The following ABL1 variants were observed in gnomAD, a reference collection of about 807,000 sequenced individuals.
The protein encoded by ABL1 is ABL proto-oncogene 1, non-receptor tyrosine kinase.
In ABL1, 11 loss-of-function variants were observed where a neutral mutation model predicts 94.7. The observed-to-expected ratio is 0.12, with a 90% confidence interval of 0.07 to 0.19. The LOEUF (loss-of-function observed/expected upper bound fraction) is 0.19, where lower values mean the gene tolerates loss of function less well. ABL1 is among the 10% of genes least tolerant of loss of function. The probability of loss-of-function intolerance (pLI) is 1.00; values close to 1 mark genes in which losing one functional copy is unlikely to be tolerated. For missense variants in ABL1, 1,082 were observed against 1,489.4 expected (o/e 0.73, Z 4.50); for synonymous variants, 656 against 622.4 (o/e 1.05, Z -0.80).
At chr9:130,780,527 AGT>A (rs745494133) in intron 1 of ABL1, among the ~76,000 whole-genome samples, 1 of 152,174 alleles carries the variant, frequency 6.6e-6, no homozygotes, top group Non-Finnish European at 1.5e-5. Context: ...GTTTTTGGAT[AGT>A]GCTCACCTCG....
intron 1 of ABL1, among the ~76,000 whole-genome samples, chr9:130,851,766 C>CTTTTTTT (rs149948786): frequency 5.7e-5 from 7 of 122,810 alleles, no homozygotes; most frequent in Non-Finnish European, 8.4e-5. Flanking sequence ...CTCTCTTTTT[C>CTTTTTTT]TTTTTTTTTT....
At chr9:130,801,011 A>G (rs1199452502) in intron 1 of ABL1, among the ~76,000 whole-genome samples, 1 of 150,068 alleles carries the variant, frequency 6.7e-6, no homozygotes. Flanking sequence ...GCTCACTGCA[A>G]CCTCTGCCTG....
chr9:130,808,819 T>G (rs34886306), intron 1 of ABL1, among the ~76,000 whole-genome samples: 1 of 152,072 alleles, frequency 6.6e-6, no homozygotes, highest in Non-Finnish European at 1.5e-5. Context: ...TGTCCACACA[T>G]GATTGGCTAA....
At position 130,886,743 on chromosome 9, in the gene ABL1, C is replaced by T; in HGVS notation, c.*1060C>T. On this transcript the variant is annotated 3_prime_UTR_variant, in exon 11 of 11. Coordinates refer to ENST00000318560, the MANE Select transcript of ABL1 (RefSeq NM_005157.6). ...TTGGAACAAGACAGCCTTCACTTTT[C>T]TGAGTTCTTGAAGCATTTCAAAGCC... The T allele has an allele frequency of 4.3e-6, 1 of 233,648 alleles. No individual in the cohort carries two copies. Among genetic ancestry groups the T allele is most frequent in the Non-Finnish European group, 8.5e-6 (1 of 118,018 alleles). The allele number at this position is 233,648 out of a possible 1,614,324, so 14.5% of individuals were successfully genotyped here.
Position 130,872,404 on chromosome 9 carries a change from T to C in ABL1, c.907+191T>C, listed in dbSNP as rs984185089. On this transcript the variant is annotated intron_variant, in intron 5 of 10. Transcript: ENST00000318560. The surrounding 1 kb of genome is among the most constrained non-coding windows in gnomAD (Gnocchi z 5.0). ...GTGTGCGTGTGTGCACATATGCACA[T>C]GTATGTATGAGAGGGAGAATGTGAT... 1.3e-5 allele frequency among the ~76,000 whole-genome samples: 2 copies of C among 152,222 alleles called. No homozygotes were observed. Among genetic ancestry groups the C allele is most frequent in the African/African-American group, 2.4e-5 (1 of 41,450 alleles).
At chr9:130,760,412 T>C (rs1297346506) in intron 1 of ABL1, among the ~76,000 whole-genome samples, 1 of 152,200 alleles carries the variant, frequency 6.6e-6, no homozygotes, top group Non-Finnish European at 1.5e-5. Flanking sequence ...CTGTTGTTCC[T>C]GGATTTCTTT....
At chr9:130,826,488 G>A (rs1416929745) in intron 1 of ABL1, among the ~76,000 whole-genome samples, 1 of 152,106 alleles carries the variant, frequency 6.6e-6, no homozygotes, top group African/African-American at 2.4e-5. Context: ...GAGACAGTAG[G>A]GGATAAGAAA....
At chr9:130,801,940 G>A (rs538954603) in intron 1 of ABL1, among the ~76,000 whole-genome samples, 5 of 151,910 alleles carry the variant, frequency 3.3e-5, no homozygotes, top group African/African-American at 9.7e-5. Context: ...AAGTATCTGC[G>A]TATCATTAAG....
chr9:130,848,610 T>C (rs1830811418), intron 1 of ABL1, among the ~76,000 whole-genome samples: 1 of 152,040 alleles, frequency 6.6e-6, no homozygotes, highest in Non-Finnish European at 1.5e-5. Context: ...CCACATTTTT[T>C]GTGAGAAATA....
chr9:130,834,980 A>G (rs928077894), upstream of ABL1: 2 of 452,156 alleles, frequency 4.4e-6, no homozygotes, highest in African/African-American at 4.0e-5. Flanking sequence ...CGCGGCTTCT[A>G]AAGTGGAGTG....
intron 10 of ABL1, among the ~76,000 whole-genome samples, chr9:130,883,326 C>G (rs577555909): frequency 2.0e-5 from 3 of 152,072 alleles, no homozygotes; most frequent in Non-Finnish European, 4.4e-5. Flanking sequence ...GGTGAAACCC[C>G]GTCTCTACTA....
intron 4 of ABL1, among the ~76,000 whole-genome samples, chr9:130,867,999 A>T (rs1831185129): frequency 6.7e-6 from 1 of 149,858 alleles, no homozygotes; most frequent in South Asian, 2.1e-4. Flanking sequence ...TCACTCTGTC[A>T]CCCAGGCTGG....
chr9:130,835,607 G>T lies in ABL1; in HGVS notation c.79+82G>T. ...GGGCCCTTCCTAGGCCTCGCCGCCCGCGCGCTCCCGCCTGCGCCCTCCCCG... is the reference window on the plus strand; with the variant it reads ...GGGCCCTTCCTAGGCCTCGCCGCCCTCGCGCTCCCGCCTGCGCCCTCCCCG... On this transcript the variant is annotated intron_variant, in intron 1 of 10. Transcript: ENST00000318560. The surrounding 1 kb of genome is among the most constrained non-coding windows in gnomAD (Gnocchi z 4.6). 8.5e-7 allele frequency: 1 copy of T among 1,183,196 alleles called. No individual in the cohort carries two copies. Among genetic ancestry groups the T allele is most frequent in the South Asian group, 1.3e-5 (1 of 75,160 alleles). 73.3% of individuals were successfully genotyped at this position (1,183,196 alleles called of 1,614,324 possible).
At chr9:130,719,215 T>C (rs1287013209) in intron 1 of ABL1, among the ~76,000 whole-genome samples, 1 of 152,034 alleles carries the variant, frequency 6.6e-6, no homozygotes, top group African/African-American at 2.4e-5. Flanking sequence ...GGTTATCTTA[T>C]AATACGAAAA....
At chr9:130,797,009 G>A (rs1156258973) in intron 1 of ABL1, among the ~76,000 whole-genome samples, 4 of 150,368 alleles carry the variant, frequency 2.7e-5, no homozygotes, top group South Asian at 4.2e-4. Flanking sequence ...AGGCTGAGGC[G>A]GGTGGATCAC....
chr9:130,741,939 C>T (rs1037674398), intron 1 of ABL1, among the ~76,000 whole-genome samples: 1 of 152,158 alleles, frequency 6.6e-6, no homozygotes, highest in Non-Finnish European at 1.5e-5. Flanking sequence ...GCTTCCTGCC[C>T]CTTAACAGAT....
At chr9:130,853,674 C>T (rs1252045333) in intron 1 of ABL1, among the ~76,000 whole-genome samples, 1 of 151,976 alleles carries the variant, frequency 6.6e-6, no homozygotes, top group Admixed American at 6.6e-5. Context: ...CTTGGCCTCC[C>T]AAAGTGCTGG....
intron 3 of ABL1, among the ~76,000 whole-genome samples, chr9:130,861,924 C>T (rs1257443345): frequency 6.6e-6 from 1 of 152,216 alleles, no homozygotes; most frequent in African/African-American, 2.4e-5. Context: ...CAGCCTGCTC[C>T]TTCTCCTTCC....
intron 1 of ABL1, among the ~76,000 whole-genome samples, chr9:130,821,987 C>T (rs1352057783): frequency 3.9e-5 from 6 of 152,002 alleles, no homozygotes; most frequent in Admixed American, 1.3e-4. Flanking sequence ...TACAGGCACC[C>T]ACCACCACCC....
Sources: gnomAD v4.1 joint callset for allele counts (sites outside exome capture counted in the v4.1 genomes callset) on GRCh38, gnomAD v4.1.1 for gene constraint, Gnocchi (gnomAD v3.1) non-coding constraint, MANE v1.5 for transcripts, NCBI Gene and HGNC (gene_info 2026-07-23, HGNC 2026-07-21) for gene names.